The following PDE10A variants were observed in gnomAD, a reference collection of about 807,000 sequenced individuals.
The protein encoded by PDE10A is cAMP and cAMP-inhibited cGMP 3',5'-cyclic phosphodiesterase 10A.
In PDE10A, 39 loss-of-function variants were observed where a neutral mutation model predicts 97.7. The ratio of observed to expected loss-of-function variants is 0.40; its 90% confidence interval spans 0.31 to 0.52. PDE10A has a LOEUF of 0.52. Ranked by LOEUF, PDE10A falls within the 20% of genes least tolerant of loss-of-function variation. PDE10A has a pLI of 0.56. For synonymous variants in PDE10A, 371 were observed against 376.8 expected, an observed-to-expected ratio of 0.98 and a Z score of 0.18; for missense variants, 731 against 1,047.8, an observed-to-expected ratio of 0.70 and a Z score of 4.17.
chr6:165,753,050 C>T (rs884671), intron 1 of PDE10A, among the ~76,000 whole-genome samples: 17,379 of 152,182 alleles, frequency 0.11, 1,493 homozygotes, highest in East Asian at 0.36. Flanking sequence ...TGTATCTATG[C>T]GTAGCTGTCA....
intron 1 of PDE10A, among the ~76,000 whole-genome samples, chr6:165,917,783 A>G (rs975294879): frequency 6.6e-6 from 1 of 152,176 alleles, no homozygotes; most frequent in Non-Finnish European, 1.5e-5. Flanking sequence ...CTCATCCTGC[A>G]GGCCCAGCTT....
At chr6:165,564,764 T>G (rs1392395077) in intron 1 of PDE10A, among the ~76,000 whole-genome samples, 1 of 152,236 alleles carries the variant, frequency 6.6e-6, no homozygotes, top group African/African-American at 2.4e-5. Flanking sequence ...TTTAAACATT[T>G]TATTTTCTGC....
chr6:165,379,152 T>A (rs754778614), intron 18 of PDE10A, 42 bp downstream of exon 18: 2 of 1,322,022 alleles, frequency 1.5e-6, no homozygotes, highest in South Asian at 2.6e-5. Context: ...TTATTCCAGA[T>A]AACACTTTCT....
At chr6:165,980,690 G>T (rs1361089147) in intron 1 of PDE10A, among the ~76,000 whole-genome samples, 2 of 152,198 alleles carry the variant, frequency 1.3e-5, no homozygotes, top group Admixed American at 1.3e-4. Context: ...GGTGACATTT[G>T]GGGTTGGAGG....
chr6:165,691,107 C>CTCT lies in PDE10A; in HGVS notation c.-614-147540_-614-147539insAGA, dbSNP rs1554305960. On this transcript the variant is annotated intron_variant, in intron 1 of 19. Transcript: ENST00000366882. ...TCTCTCTCTCTCTCTCTTTCTCTCT[C>CTCT]CCCCCCCCCATCAGTGCCTGTGGTC... Among the ~76,000 whole-genome samples the CTCT allele has an allele frequency of 4.0e-3, 54 of 13,388 alleles. 2 individuals are homozygous for CTCT. Among genetic ancestry groups the CTCT allele is most frequent in the Non-Finnish European group, 6.8e-3 (29 of 4,282 alleles). 8.8% of individuals were successfully genotyped at this position (13,388 alleles called of 152,430 possible).
intron 1 of PDE10A, among the ~76,000 whole-genome samples, chr6:165,621,625 G>A (rs111574090): frequency 0.017 from 2,627 of 152,178 alleles, 64 homozygotes; most frequent in African/African-American, 0.056. Context: ...GCATGGTGGC[G>A]GGCGCCTGCA....
intron 1 of PDE10A, among the ~76,000 whole-genome samples, chr6:165,774,235 C>T (rs753841954): frequency 1.3e-5 from 2 of 151,996 alleles, no homozygotes; most frequent in African/African-American, 2.4e-5. Context: ...AACATTTGTG[C>T]CTTCTTTTCA....
At chr6:165,851,913 A>C (rs1041275892) in intron 1 of PDE10A, among the ~76,000 whole-genome samples, 3 of 152,234 alleles carry the variant, frequency 2.0e-5, no homozygotes, top group African/African-American at 7.2e-5. Flanking sequence ...CAACATGCTG[A>C]AACCCCATCT....
chr6:165,922,718 A>T (rs751138820), intron 1 of PDE10A, among the ~76,000 whole-genome samples: 18 of 152,218 alleles, frequency 1.2e-4, no homozygotes, highest in Non-Finnish European at 2.4e-4. Flanking sequence ...TCCACACGTG[A>T]GTCAGATTCG....
At chr6:165,675,631 CA>C (rs1790773366) in intron 1 of PDE10A, among the ~76,000 whole-genome samples, 1 of 152,132 alleles carries the variant, frequency 6.6e-6, no homozygotes, top group African/African-American at 2.4e-5. Flanking sequence ...GCTAGAGAAA[CA>C]AAACAGAATT....
intron 1 of PDE10A, among the ~76,000 whole-genome samples, chr6:165,827,357 G>T (rs1779791826): frequency 6.6e-6 from 1 of 152,224 alleles, no homozygotes; most frequent in African/African-American, 2.4e-5. Context: ...GGGGACAGGA[G>T]GTGCCCGGTG....
intron 1 of PDE10A, among the ~76,000 whole-genome samples, chr6:165,604,618 G>T (rs1787122757): frequency 1.3e-5 from 2 of 151,530 alleles, no homozygotes; most frequent in Admixed American, 1.3e-4. Context: ...TAGATATAAA[G>T]AAATAACCGG....
At chr6:165,824,968 T>TA (rs71890265) in intron 1 of PDE10A, among the ~76,000 whole-genome samples, 58,710 of 92,338 alleles carry the variant, frequency 0.64, 19,601 homozygotes, top group Middle Eastern at 0.79. Context: ...CCGTCTCTAC[T>TA]AAAAAAAAAA....
At chr6:165,702,447 C>G (rs901911106) in intron 1 of PDE10A, among the ~76,000 whole-genome samples, 12 of 152,176 alleles carry the variant, frequency 7.9e-5, no homozygotes, top group Non-Finnish European at 1.3e-4. Flanking sequence ...TCCCTCACAA[C>G]CTGGAGAAGG....
intron 16 of PDE10A, among the ~76,000 whole-genome samples, chr6:165,390,412 T>C (rs888927823): frequency 6.6e-6 from 1 of 152,116 alleles, no homozygotes; most frequent in African/African-American, 2.4e-5. Flanking sequence ...AATGCTTACA[T>C]GGGGTTTACT....
intron 18 of PDE10A, among the ~76,000 whole-genome samples, chr6:165,360,695 C>T (rs754199390): frequency 2.4e-4 from 37 of 152,270 alleles, no homozygotes; most frequent in African/African-American, 7.9e-4. Flanking sequence ...GTGCTGGAAA[C>T]GGGCCTTGAA....
rs1435579366 is a variant in PDE10A, at chr6:165,332,500, C to T, written c.*525G>A. On this transcript the variant is annotated 3_prime_UTR_variant, in exon 22 of 22. Transcript: ENST00000539869. The stretch of plus-strand genomic sequence containing the variant: ...CTCTGTAACCTCAACGACATTTGTC[C>T]TGAGGCTGTGGACTACAACTCAAGT... 1 of 152,256 alleles carries T rather than the reference C, an allele frequency of 6.6e-6. No homozygotes were observed. The highest frequency in any genetic ancestry group is 1.5e-5 in the Non-Finnish European group (1 of 68,108). The allele number at this position is 152,256 out of a possible 1,614,324, so 9.4% of individuals were successfully genotyped here.
At position 165,894,666 on chromosome 6, in the gene PDE10A, A is replaced by G. The variant is rs907702416; in HGVS notation, c.-615+92863T>C. The G allele has an allele frequency of 3.1e-5, 12 of 382,672 alleles. 1 individual carries two copies. Among genetic ancestry groups the G allele is most frequent in the Admixed American group, 2.3e-4 (7 of 30,362 alleles). The allele number at this position is 382,672 out of a possible 1,614,324, so 23.7% of individuals were successfully genotyped here. A position where few individuals can be genotyped will look rare whatever the true frequency, so the allele number is the denominator to read the frequency against. On this transcript the variant is annotated intron_variant, in intron 1 of 19. Coordinates refer to the PDE10A transcript ENST00000366882. ...CCACCGAGCATGGGGCTGGCCACAT[A>G]GCACCTTGAGGATTCTTCTCAATTC... is the stretch of plus-strand genomic sequence containing the variant.
intron 1 of PDE10A, among the ~76,000 whole-genome samples, chr6:165,652,053 A>C (rs1409020009): frequency 6.6e-6 from 1 of 152,198 alleles, no homozygotes; most frequent in Non-Finnish European, 1.5e-5. Context: ...AGGTTTTATA[A>C]GTAGATCTTT....
Sources: gnomAD v4.1 joint callset for allele counts (sites outside exome capture counted in the v4.1 genomes callset) on GRCh38, gnomAD v4.1.1 for gene constraint, MANE v1.5 for transcripts, NCBI Gene and HGNC (gene_info 2026-07-23, HGNC 2026-07-21) for gene names.